Variants in KMT2C observed in about 807,000 individuals in gnomAD.
KMT2C encodes histone-lysine N-methyltransferase 2C.
Under a neutral mutation model 507.9 loss-of-function variants are expected in KMT2C, and 88 were observed. That is an observed-to-expected ratio of 0.17 (90% CI 0.15 to 0.21). KMT2C has a LOEUF of 0.21. KMT2C is among the 10% of genes least tolerant of loss of function. The pLI is 1.00. For synonymous variants in KMT2C, 2,049 were observed against 2,080.8 expected, an observed-to-expected ratio of 0.98 and a Z score of 0.42; for missense variants, 4,954 against 5,957.8, an observed-to-expected ratio of 0.83 and a Z score of 5.55.
At chr7:152,238,292 G>A (rs1588485929) in intron 15 of KMT2C, among the ~76,000 whole-genome samples, 1 of 2,244 alleles carries the variant, frequency 4.5e-4, no homozygotes, top group South Asian at 8.5e-3. Flanking sequence ...AAAAAGCCTT[G>A]TCATTTTAAG....
chr7:152,153,853 C>G (rs1229089762), intron 48 of KMT2C, among the ~76,000 whole-genome samples, 157 bp downstream of exon 48: 1 of 152,126 alleles, frequency 6.6e-6, no homozygotes, highest in African/African-American at 2.4e-5. Context: ...CGATGGCACT[C>G]AAAGGCAGCT....
intron 7 of KMT2C, among the ~76,000 whole-genome samples, chr7:152,270,545 G>C (rs2095944857): frequency 6.6e-6 from 1 of 152,082 alleles, no homozygotes; most frequent in Non-Finnish European, 1.5e-5. Flanking sequence ...CCACCTAGTA[G>C]GCTACTATGC....
chr7:152,139,462 C>G (rs1478626504), intron 56 of KMT2C, among the ~76,000 whole-genome samples: 1 of 152,170 alleles, frequency 6.6e-6, no homozygotes, highest in African/African-American at 2.4e-5. Flanking sequence ...TGAAGCCAGG[C>G]TCATTAATTT....
chr7:152,264,970 C>G, intron 8 of KMT2C, 68 bp downstream of exon 8: 12 of 1,381,666 alleles, frequency 8.7e-6, no homozygotes, highest in Non-Finnish European at 1.2e-5. Flanking sequence ...TTACACAAAC[C>G]TTTAGCACCT....
intron 58 of KMT2C, 140 bp from the exon 59 acceptor site, chr7:152,137,064 G>A (rs1331638920): frequency 1.6e-6 from 1 of 643,242 alleles, no homozygotes; most frequent in African/African-American, 1.8e-5. Flanking sequence ...AGGTTCCATG[G>A]GACCCTGGGG....
chr7:152,196,655 C>T (rs559813857), intron 27 of KMT2C, among the ~76,000 whole-genome samples: 198 of 152,148 alleles, frequency 1.3e-3, no homozygotes, highest in African/African-American at 4.6e-3. Flanking sequence ...AGTAAATAAA[C>T]GACATCGCTG....
In KMT2C at chr7:152,315,092, TATGC is replaced by T. The variant is rs751289005; in HGVS notation, c.590+42_590+45del. 6.4e-6 allele frequency: 9 copies of T among 1,405,112 alleles called. No individual in the cohort carries two copies. The African/African-American group carries it at 1.3e-4, about 20-fold the overall frequency. The allele number at this position is 1,405,112 out of a possible 1,614,324, so 87.0% of individuals were successfully genotyped here. A position where few individuals can be genotyped will look rare whatever the true frequency, so the allele number is the denominator to read the frequency against. On this transcript the variant is annotated intron_variant, in intron 4 of 58. Coordinates refer to ENST00000262189, the MANE Select transcript of KMT2C (RefSeq NM_170606.3). ...TAAACATTATAATGGAAATAAATTA[TATGC>T]AGTCTTAATCTATTCCAACATTTAA...
chr7:152,232,468 A>T (rs1489526375), intron 16 of KMT2C, among the ~76,000 whole-genome samples: 2 of 152,224 alleles, frequency 1.3e-5, no homozygotes, highest in Non-Finnish European at 2.9e-5. Context: ...CAAAGTCATT[A>T]TATGTAGTCT....
intron 7 of KMT2C, among the ~76,000 whole-genome samples, chr7:152,269,063 C>A (rs982304271): frequency 1.3e-5 from 2 of 152,152 alleles, no homozygotes; most frequent in African/African-American, 2.4e-5. Context: ...TTTTAACATA[C>A]CCACTAGAAA....
chr7:152,216,457 G>A (rs946768499), intron 23 of KMT2C, among the ~76,000 whole-genome samples: 2 of 152,158 alleles, frequency 1.3e-5, no homozygotes, highest in Non-Finnish European at 2.9e-5. Context: ...GTAATATAAT[G>A]TGTAATATTA....
At chr7:152,353,268 C>CA (rs1161146026) in intron 2 of KMT2C, among the ~76,000 whole-genome samples, 1 of 151,936 alleles carries the variant, frequency 6.6e-6, no homozygotes, top group Non-Finnish European at 1.5e-5. Flanking sequence ...ACTAAAAATA[C>CA]AAAAAAATTA....
chr7:152,149,548 T>TTG (rs1272194926), intron 51 of KMT2C, among the ~76,000 whole-genome samples: 1 of 152,232 alleles, frequency 6.6e-6, no homozygotes, highest in Non-Finnish European at 1.5e-5. Context: ...TGTTTTTTGT[T>TTG]TAACCAAATA....
chr7:152,155,605 T>C (rs1450764534), intron 46 of KMT2C, among the ~76,000 whole-genome samples: 1 of 152,210 alleles, frequency 6.6e-6, no homozygotes, highest in Non-Finnish European at 1.5e-5. Context: ...CTGAAATATG[T>C]TGCATGGAGA....
chr7:152,357,368 C>CA (rs779734605), intron 2 of KMT2C, among the ~76,000 whole-genome samples: 3 of 151,960 alleles, frequency 2.0e-5, no homozygotes, highest in Non-Finnish European at 4.4e-5. Context: ...ACTAAAGATA[C>CA]AAAAAATTAG....
In KMT2C at chr7:152,182,347, G is replaced by A; in HGVS notation, c.5513C>T (p.Pro1838Leu). 2 of 1,613,948 alleles carry A rather than the reference G, an allele frequency of 1.2e-6. No individual in the cohort carries two copies. Among genetic ancestry groups the A allele is most frequent in the Non-Finnish European group, 1.7e-6 (2 of 1,179,944 alleles). Residue 1838 changes from proline (P) to leucine (L), a missense_variant, in exon 36 of 59, where the codon CCT becomes CTT. Around this residue, in one of 29 missense-constraint regions of KMT2C, gnomAD observed 1,689 missense variants for 1,654.3 expected, o/e 1.02. Coordinates refer to ENST00000262189, the MANE Select transcript of KMT2C (RefSeq NM_170606.3). ...ELFTKQPPST[P>L]TSTSSDDVFV... Reference sequence around the variant, plus strand: ...CACATCATCTGAAGATGTAGACGTAGGGGTACTGGGTGGCTGTTTTGTAAA... The same window carrying A: ...CACATCATCTGAAGATGTAGACGTAAGGGTACTGGGTGGCTGTTTTGTAAA...
chr7:152,419,313 T>C (rs928901249), intron 1 of KMT2C, among the ~76,000 whole-genome samples: 1 of 152,038 alleles, frequency 6.6e-6, no homozygotes, highest in Non-Finnish European at 1.5e-5. Context: ...ATCATGCCAC[T>C]GGGCTCCAGC....
chr7:152,181,439 C>T lies in KMT2C; in HGVS notation c.6421G>A (p.Val2141Ile). 6.2e-7 allele frequency: 1 copy of T among 1,613,948 alleles called. No homozygotes were observed. The change falls in exon 36 of 59, where the codon GTT becomes ATT. Residue 2141 changes from valine (V) to isoleucine (I), a missense_variant. Val to Ile is a conservative substitution (Grantham distance 29). This residue lies in a region of KMT2C where 1,689 missense variants were observed against 1,654.3 expected (regional missense o/e 1.02). Coordinates refer to ENST00000262189, the MANE Select transcript of KMT2C (RefSeq NM_170606.3). ...GAAGATTGGGAATAAGAATCTACAA[C>T]AGGTCGTGGAGTTCCTGGGGGTTGG... ...YSQPPGTPRP[V>I]VDSYSQSSGT...
chr7:152,171,300 A>T lies in KMT2C; in HGVS notation c.9417T>A (p.Ser3139Arg), dbSNP rs754391651. 6.2e-7 allele frequency: 1 copy of T among 1,610,486 alleles called. No homozygotes were observed. Among genetic ancestry groups the T allele is most frequent in the South Asian group, 1.1e-5 (1 of 90,124 alleles). The part of the protein sequence containing the change: ...MGQVVTGTQN[S>R]EGQNLGPQAI... ...CCTGTGGTCCAAGGTTCTGTCCTTC[A>T]CTGTTCTGTGTTCCAGTTACCACCT... The change falls in exon 40 of 59, where the codon AGT (serine) becomes AGA (arginine). Residue 3139 changes from serine (S) to arginine (R), a missense_variant. Physicochemically the swap from Ser to Arg is moderately radical, Grantham distance 110. Transcript: ENST00000262189.
intron 4 of KMT2C, among the ~76,000 whole-genome samples, chr7:152,314,903 C>G (rs936238909): frequency 6.6e-6 from 1 of 151,966 alleles, no homozygotes; most frequent in African/African-American, 2.4e-5. Flanking sequence ...TGTGATCACA[C>G]CGCTTTCATA....
Sources: allele counts gnomAD v4.1 joint callset (sites outside exome capture counted in the v4.1 genomes callset), GRCh38; gene constraint gnomAD v4.1.1; regional missense constraint gnomAD v4.1.1; transcripts MANE v1.5; gene names NCBI Gene and HGNC (gene_info 2026-07-23, HGNC 2026-07-21).